Variants in DNM3 observed in about 807,000 individuals in gnomAD.
DNM3 encodes the protein dynamin 3.
Under a neutral mutation model 101.6 loss-of-function variants are expected in DNM3, and 47 were observed. The observed-to-expected ratio is 0.46, with a 90% CI of 0.37 to 0.59. DNM3 has a LOEUF of 0.59. DNM3 is among the 20% of genes least tolerant of loss of function. The pLI is 0.00. For synonymous variants in DNM3, 385 were observed against 387.9 expected (o/e 0.99, Z 0.09); for missense variants, 849 against 1,085.7 (o/e 0.78, Z 3.06).
At chr1:172,060,049 A>G (rs1456918056) in intron 10 of DNM3, among the ~76,000 whole-genome samples, 1 of 152,156 alleles carries the variant, frequency 6.6e-6, no homozygotes, top group Non-Finnish European at 1.5e-5. Context: ...TTATATACCA[A>G]CAATCGACAA....
chr1:172,060,075 A>C (rs2051040792), intron 10 of DNM3, among the ~76,000 whole-genome samples: 1 of 152,150 alleles, frequency 6.6e-6, no homozygotes, highest in East Asian at 1.9e-4. Context: ...GAGCTAAATC[A>C]TGAGTGAACT....
At position 171,974,916 on chromosome 1, in the gene DNM3, A is replaced by C. The variant is rs112119317; in HGVS notation, c.236-12740A>C. Among the ~76,000 whole-genome samples, 1,283 of 150,602 alleles carry C rather than the reference A, an allele frequency of 8.5e-3. 22 individuals carry two copies. Among genetic ancestry groups the C allele is most frequent in the African/African-American group, 0.03 (1,215 of 40,864 alleles). ...TTGGTCTGTCACCCAGGCTGGAGTTAAAGGCTCACTGCACCCTTGAACTCC... is the reference window on the plus strand; with the variant it reads ...TTGGTCTGTCACCCAGGCTGGAGTTCAAGGCTCACTGCACCCTTGAACTCC... On this transcript the variant is annotated intron_variant, in intron 2 of 20. Transcript: ENST00000627582.
At chr1:172,319,550 C>T (rs2065586534) in intron 16 of DNM3, among the ~76,000 whole-genome samples, 1 of 152,130 alleles carries the variant, frequency 6.6e-6, no homozygotes, top group Non-Finnish European at 1.5e-5. Context: ...AAACAAACAA[C>T]CTCATCAAAA....
At chr1:172,113,268 T>C (rs1465961401) in intron 13 of DNM3, among the ~76,000 whole-genome samples, 3 of 152,146 alleles carry the variant, frequency 2.0e-5, no homozygotes, top group South Asian at 2.1e-4. Flanking sequence ...TCCTGCTATG[T>C]GTGAGGCCCT....
At chr1:171,977,230 AAAGTCTTTGATGT>A (rs2044442303) in intron 2 of DNM3, among the ~76,000 whole-genome samples, 1 of 152,216 alleles carries the variant, frequency 6.6e-6, no homozygotes, top group Non-Finnish European at 1.5e-5. Context: ...CTGATATCAC[AAAGTCTTTGATGT>A]AAATCTCATG....
intron 13 of DNM3, among the ~76,000 whole-genome samples, chr1:172,098,077 C>T (rs1240909417): frequency 6.6e-6 from 1 of 152,122 alleles, no homozygotes; most frequent in Non-Finnish European, 1.5e-5. Context: ...TTCAGGCACG[C>T]ATTGTCATTG....
chr1:172,407,961 T>C lies in DNM3; in HGVS notation c.*120T>C. The C allele has an allele frequency of 6.4e-7, 1 of 1,571,946 alleles. No individual in the cohort carries two copies. Among genetic ancestry groups the C allele is most frequent in the Non-Finnish European group, 8.6e-7 (1 of 1,157,480 alleles). The stretch of plus-strand genomic sequence containing the variant: ...TGGACATCAGTAGGCAAGTAACCAG[T>C]TTTACTAATGCATTCATCGCTCATC... On this transcript the variant is annotated 3_prime_UTR_variant, in exon 21 of 21. Coordinates refer to ENST00000627582, the MANE Select transcript of DNM3 (RefSeq NM_015569.5).
chr1:171,990,407 G>A (rs530226212), intron 4 of DNM3, among the ~76,000 whole-genome samples: 26 of 152,274 alleles, frequency 1.7e-4, no homozygotes, highest in African/African-American at 6.3e-4. Context: ...TTCCTCAACT[G>A]TTAGGTTCTA....
chr1:171,889,582 A>G (rs2037081157), intron 1 of DNM3, among the ~76,000 whole-genome samples: 1 of 152,230 alleles, frequency 6.6e-6, no homozygotes. Flanking sequence ...CACTCTTGAC[A>G]GAAAGAATTT....
intron 14 of DNM3, among the ~76,000 whole-genome samples, chr1:172,252,951 T>A (rs1573146804): frequency 6.6e-6 from 1 of 152,160 alleles, no homozygotes; most frequent in Non-Finnish European, 1.5e-5. Context: ...TTTTATGGAA[T>A]AATTCTTTTT....
At chr1:172,081,688 GA>G in intron 11 of DNM3, 143 bp from the exon 12 acceptor site, 2 of 642,058 alleles carry the variant, frequency 3.1e-6, no homozygotes, top group Non-Finnish European at 5.2e-6. Flanking sequence ...GTCTAATAAA[GA>G]AAAGTTAAGG....
intron 2 of DNM3, among the ~76,000 whole-genome samples, chr1:171,965,202 C>T (rs1388328939): frequency 6.6e-6 from 1 of 152,032 alleles, no homozygotes; most frequent in East Asian, 1.9e-4. Context: ...TTTGCTATAA[C>T]AGCTCATGTA....
intron 17 of DNM3, among the ~76,000 whole-genome samples, chr1:172,340,777 A>G (rs2066650777): frequency 6.6e-6 from 1 of 152,086 alleles, no homozygotes; most frequent in African/African-American, 2.4e-5. Flanking sequence ...TCCTCTTCCT[A>G]TTTGGATATC....
intron 14 of DNM3, among the ~76,000 whole-genome samples, chr1:172,167,076 C>CA (rs1480508884): frequency 6.6e-6 from 1 of 152,018 alleles, no homozygotes; most frequent in Non-Finnish European, 1.5e-5. Context: ...CCCATCTCCC[C>CA]ACCCCATGTC....
In DNM3 at chr1:172,352,542, T is replaced by C. The variant is rs548278665; in HGVS notation, c.1894-26476T>C. On this transcript the variant is annotated intron_variant, in intron 17 of 20. Transcript: ENST00000627582. Reference sequence around the variant, plus strand: ...AATGTATAAACAAACTATACTAAAATTGAGCTACTGAGCACCTTAGTATAC... The same window carrying C: ...AATGTATAAACAAACTATACTAAAACTGAGCTACTGAGCACCTTAGTATAC... Among the ~76,000 whole-genome samples the C allele has an allele frequency of 5.3e-5, 8 of 152,260 alleles. No individual in the cohort carries two copies. The South Asian group carries it at 1.7e-3, about 32-fold the overall frequency.
intron 1 of DNM3, among the ~76,000 whole-genome samples, chr1:171,919,539 C>G (rs1395493380): frequency 1.3e-5 from 2 of 152,120 alleles, no homozygotes; most frequent in African/African-American, 4.8e-5. Flanking sequence ...GCTCTTTACT[C>G]TGGAGTTTTG....
chr1:172,124,425 T>C (rs141910704), intron 13 of DNM3, among the ~76,000 whole-genome samples: 11 of 152,376 alleles, frequency 7.2e-5, no homozygotes, highest in African/African-American at 2.6e-4. Context: ...GGATATTTTT[T>C]AGTTGCCTTC....
intron 14 of DNM3, among the ~76,000 whole-genome samples, chr1:172,234,267 C>T (rs1211406915): frequency 2.6e-5 from 4 of 151,996 alleles, no homozygotes; most frequent in African/African-American, 7.2e-5. Context: ...AGCCAAATCA[C>T]GAGTGAACTC....
At chr1:172,218,033 C>A (rs147567046) in intron 14 of DNM3, among the ~76,000 whole-genome samples, 49 of 152,216 alleles carry the variant, frequency 3.2e-4, no homozygotes, top group Middle Eastern at 3.4e-3. Flanking sequence ...AGATTATGGT[C>A]TATAGAATCT....
Sources: gnomAD v4.1 joint callset for allele counts (sites outside exome capture counted in the v4.1 genomes callset) on GRCh38, gnomAD v4.1.1 for gene constraint, MANE v1.5 for transcripts, NCBI Gene and HGNC (gene_info 2026-07-23, HGNC 2026-07-21) for gene names.